The following LAMA2 variants were observed in gnomAD, a reference collection of about 807,000 sequenced individuals.
LAMA2 encodes the protein laminin subunit alpha 2.
A neutral mutation model predicts 364.8 loss-of-function variants in LAMA2; 269 were observed. That is an observed-to-expected ratio of 0.74 (90% CI 0.67 to 0.82). The LOEUF (loss-of-function observed/expected upper bound fraction) is 0.82, where lower values mean the gene tolerates loss of function less well. LAMA2 is among the 40% of genes least tolerant of loss of function. The pLI is 0.00. For missense variants in LAMA2, 3,807 were observed against 3,873.2 expected (o/e 0.98, Z 0.45); for synonymous variants, 1,379 against 1,370.6 (o/e 1.01, Z -0.14).
chr6:129,423,600 A>G (rs945730669), intron 40 of LAMA2, among the ~76,000 whole-genome samples: 4 of 152,068 alleles, frequency 2.6e-5, no homozygotes, highest in Non-Finnish European at 4.4e-5. Context: ...CTAATAAGTG[A>G]GCTTACCAAT....
intron 29 of LAMA2, among the ~76,000 whole-genome samples, chr6:129,336,647 A>G (rs1474442448): frequency 1.3e-5 from 2 of 152,240 alleles, no homozygotes; most frequent in Admixed American, 6.5e-5. Context: ...GGCCATATCC[A>G]TGTTTCAAAT....
At chr6:128,894,657 T>C (rs1400043624) in intron 1 of LAMA2, among the ~76,000 whole-genome samples, 7 of 152,226 alleles carry the variant, frequency 4.6e-5, no homozygotes, top group East Asian at 1.9e-4. Context: ...GTTAAAAAGA[T>C]GTACCCAAGA....
intron 46 of LAMA2, 119 bp from the exon 47 acceptor site, chr6:129,454,036 G>T: frequency 4.8e-6 from 3 of 624,052 alleles, no homozygotes; most frequent in Non-Finnish European, 5.9e-6. Context: ...GTATTATCAT[G>T]AAGCTCCTAA....
chr6:129,158,689 G>A, intron 8 of LAMA2: 1 of 1,614,044 alleles, frequency 6.2e-7, no homozygotes, highest in Non-Finnish European at 8.5e-7. Context: ...TCAAAAAACG[G>A]ACCTATGACA....
intron 39 of LAMA2, among the ~76,000 whole-genome samples, chr6:129,402,913 G>A (rs1346753831): frequency 6.6e-6 from 1 of 152,136 alleles, no homozygotes; most frequent in African/African-American, 2.4e-5. Context: ...GGCCCCATAC[G>A]TAGTCTTTAA....
At chr6:129,453,794 G>T (rs1033849396) in intron 46 of LAMA2, among the ~76,000 whole-genome samples, 2 of 152,058 alleles carry the variant, frequency 1.3e-5, no homozygotes, top group African/African-American at 4.8e-5. Flanking sequence ...CCTCAAAAAT[G>T]TCAGTGTCCT....
At chr6:129,424,412 A>G (rs1026402006) in intron 40 of LAMA2, among the ~76,000 whole-genome samples, 4 of 151,924 alleles carry the variant, frequency 2.6e-5, no homozygotes, top group Non-Finnish European at 4.4e-5. Flanking sequence ...CCTTCAAAAA[A>G]AAAAAAGCAC....
At position 128,992,979 on chromosome 6, in the gene LAMA2, C is replaced by T. The variant is rs78237696; in HGVS notation, c.113-56939C>T. Among the ~76,000 whole-genome samples the T allele has an allele frequency of 8.7e-3, 1,319 of 152,310 alleles. 21 individuals carry two copies. The highest frequency in any genetic ancestry group is 0.03 in the African/African-American group (1,259 of 41,572). On this transcript the variant is annotated intron_variant, in intron 1 of 64. Transcript: ENST00000421865. ...GAAATTTCATTTAAAATAGCTGCAT[C>T]TTTTAAGTAGGAATATTTTGGGCTA...
chr6:129,505,413 T>G, intron 61 of LAMA2, 58 bp downstream of exon 61: 4 of 1,421,036 alleles, frequency 2.8e-6, no homozygotes, highest in Non-Finnish European at 4.0e-6. Flanking sequence ...TTTATTGATA[T>G]ATTTTGACTT....
chr6:129,340,278 C>G (rs1776187290), intron 29 of LAMA2, among the ~76,000 whole-genome samples: 1 of 151,720 alleles, frequency 6.6e-6, no homozygotes, highest in African/African-American at 2.4e-5. Context: ...AATTGTCAAG[C>G]AATTTGAGAC....
Position 129,100,697 on chromosome 6 carries a change from G to T in LAMA2, c.639+2282G>T, listed in dbSNP as rs78351204. On this transcript the variant is annotated intron_variant, in intron 4 of 64. Transcript: ENST00000421865. ...GTTCAGAGGAGATACAATATTGCTG[G>T]ATCTAATGTAAGTAGAAAGAATCCT... Among the ~76,000 whole-genome samples, 1,362 of 152,252 alleles carry T rather than the reference G, an allele frequency of 8.9e-3. 14 individuals are homozygous for T. Among genetic ancestry groups the T allele is most frequent in the Non-Finnish European group, 0.014 (971 of 67,998 alleles).
Position 128,906,410 on chromosome 6 carries a change from T to C in LAMA2, c.112+23053T>C, listed in dbSNP as rs1485445922. Among the ~76,000 whole-genome samples the C allele has an allele frequency of 7.2e-5, 9 of 125,254 alleles. 1 individual carries two copies. The highest frequency in any genetic ancestry group is 3.3e-5 in the Non-Finnish European group (2 of 60,748). The allele number at this position is 125,254 out of a possible 152,430, so 82.2% of individuals were successfully genotyped here. On this transcript the variant is annotated intron_variant, in intron 1 of 64. Transcript: ENST00000421865. ...GTGATGATGAGCATTTTTTCATGTG[T>C]TTTTTGGCTGCATAAATGTCTTCTT... is the stretch of plus-strand genomic sequence containing the variant.
chr6:129,300,708 CTTT>C, intron 21 of LAMA2, 25 bp from the exon 22 acceptor site: 1 of 1,612,732 alleles, frequency 6.2e-7, no homozygotes, highest in Non-Finnish European at 8.5e-7. Flanking sequence ...TTTTCCCCTT[CTTT>C]GTTTTCCCTC....
chr6:129,318,204 G>A (rs553555223), intron 27 of LAMA2, among the ~76,000 whole-genome samples: 31 of 152,254 alleles, frequency 2.0e-4, no homozygotes, highest in Non-Finnish European at 4.0e-4. Context: ...AATCTCAAAA[G>A]CAGAGAGTTT....
intron 1 of LAMA2, among the ~76,000 whole-genome samples, chr6:128,986,035 T>C (rs1376890940): frequency 6.6e-6 from 1 of 152,054 alleles, no homozygotes; most frequent in Non-Finnish European, 1.5e-5. Context: ...TTAGAAAAAA[T>C]GAGTTGGTTT....
chr6:129,074,161 C>G (rs576511304), intron 3 of LAMA2, among the ~76,000 whole-genome samples: 2 of 152,164 alleles, frequency 1.3e-5, no homozygotes. Flanking sequence ...ACTCTTAACT[C>G]CAAAGTTTGT....
chr6:129,210,239 A>C (rs554750769), intron 12 of LAMA2, among the ~76,000 whole-genome samples: 1 of 152,080 alleles, frequency 6.6e-6, no homozygotes, highest in Non-Finnish European at 1.5e-5. Context: ...AAACAAAAAA[A>C]CCTGCAGTAT....
chr6:129,379,603 T>A (rs572262654), intron 34 of LAMA2, among the ~76,000 whole-genome samples: 1 of 152,036 alleles, frequency 6.6e-6, no homozygotes, highest in South Asian at 2.1e-4. Flanking sequence ...CCCTGAAGAG[T>A]CTTCCTACCC....
chr6:129,152,526 T>C (rs1374968903), intron 7 of LAMA2, among the ~76,000 whole-genome samples: 1 of 152,220 alleles, frequency 6.6e-6, no homozygotes, highest in Non-Finnish European at 1.5e-5. Flanking sequence ...GTCATTATTA[T>C]ACAAGTGCTA....
Sources: gnomAD v4.1 joint callset for allele counts (sites outside exome capture counted in the v4.1 genomes callset) on GRCh38, gnomAD v4.1.1 for gene constraint, MANE v1.5 for transcripts, NCBI Gene and HGNC (gene_info 2026-07-23, HGNC 2026-07-21) for gene names.